Variants in DNAAF9 observed in about 807,000 individuals in gnomAD.
DNAAF9 encodes the protein dynein axonemal assembly factor 9.
DNAAF9 carries 90 observed loss-of-function variants against 167.0 expected under a neutral mutation model. The ratio of observed to expected loss-of-function variants is 0.54; its 90% CI spans 0.45 to 0.64. The LOEUF (loss-of-function observed/expected upper bound fraction) is 0.64, where lower values mean the gene tolerates loss of function less well. Ranked by LOEUF, DNAAF9 falls within the 30% of genes least tolerant of loss-of-function variation. The probability of loss-of-function intolerance (pLI) is 0.00; values close to 1 mark genes in which losing one functional copy is unlikely to be tolerated. For synonymous variants in DNAAF9, 491 were observed against 508.8 expected (o/e 0.96, Z 0.47); for missense variants, 1,315 against 1,442.2 (o/e 0.91, Z 1.43).
intron 23 of DNAAF9, among the ~76,000 whole-genome samples, chr20:3,295,272 C>T (rs1234982626): frequency 6.6e-6 from 1 of 151,934 alleles, no homozygotes; most frequent in Non-Finnish European, 1.5e-5. Flanking sequence ...TCCCAGGTTC[C>T]AGAGATTCTC....
intron 20 of DNAAF9, among the ~76,000 whole-genome samples, chr20:3,307,866 G>A (rs68170212): frequency 0.043 from 6,519 of 151,374 alleles, 389 homozygotes; most frequent in East Asian, 0.16. Context: ...CAGTCTATGT[G>A]AGGAGGGAAC....
At chr20:3,268,897 C>CTTTTTTTATTTTTTTT (rs2068536955) in intron 30 of DNAAF9, among the ~76,000 whole-genome samples, 1 of 85,850 alleles carries the variant, frequency 1.2e-5, no homozygotes, top group African/African-American at 4.7e-5. Flanking sequence ...CTCTATGTTA[C>CTTTTTTTATTTTTTTT]TTTTTTTTTT....
rs575572387 is a variant in DNAAF9, at chr20:3,316,773, T to C, written c.1489A>G (p.Thr497Ala). Residue 497 changes from threonine (T) to alanine (A), a missense_variant, in exon 18 of 37, where the codon ACC becomes GCC. This residue lies in a region of DNAAF9 where 981 missense variants were observed against 1,012.5 expected (regional missense o/e 0.97). Coordinates refer to ENST00000252032, the MANE Select transcript of DNAAF9 (RefSeq NM_001009984.3). ...GCAGCAGTCAGGACTACGGAGCTGGTTTCTGTGGTAACAGTGCCATCTGCA... is the reference window on the plus strand; with the variant it reads ...GCAGCAGTCAGGACTACGGAGCTGGCTTCTGTGGTAACAGTGCCATCTGCA... Reference protein sequence around the residue: ...KEKDGTVTTETSSVVLTAAVP... With the variant: ...KEKDGTVTTEASSVVLTAAVP... 58 of 1,613,698 alleles carry C rather than the reference T, an allele frequency of 3.6e-5. No individual in the cohort carries two copies. The East Asian group carries it at 1.2e-3, about 33-fold the overall frequency.
At chr20:3,285,796 T>G (rs1208989575) in intron 27 of DNAAF9, among the ~76,000 whole-genome samples, 1 of 150,446 alleles carries the variant, frequency 6.6e-6, no homozygotes, top group African/African-American at 2.4e-5. Context: ...CTGGCCAACA[T>G]AGTGAAATCT....
intron 16 of DNAAF9, 71 bp downstream of exon 16, chr20:3,322,146 C>T: frequency 8.6e-7 from 1 of 1,168,172 alleles, no homozygotes; most frequent in Non-Finnish European, 1.3e-6. Flanking sequence ...CCACCCACTC[C>T]CACCTCCCAA....
intron 1 of DNAAF9, 56 bp downstream of exon 1, chr20:3,407,419 C>T: frequency 2.4e-6 from 3 of 1,246,876 alleles, no homozygotes; most frequent in Non-Finnish European, 3.0e-6. Context: ...GTCGCCGGAC[C>T]CCGACAGCCC....
chr20:3,379,375 C>T (rs1044539727), intron 3 of DNAAF9, among the ~76,000 whole-genome samples: 5 of 151,908 alleles, frequency 3.3e-5, no homozygotes, highest in Non-Finnish European at 7.4e-5. Context: ...ACTGTGAGGC[C>T]AAGGCAAGCG....
chr20:3,335,871 T>A (rs1243612101), intron 10 of DNAAF9, among the ~76,000 whole-genome samples: 3 of 151,476 alleles, frequency 2.0e-5, no homozygotes, highest in African/African-American at 7.3e-5. Context: ...GCCTGTTATC[T>A]CAGCACTTTA....
chr20:3,312,805 C>A (rs2123022616), intron 20 of DNAAF9, among the ~76,000 whole-genome samples: 1 of 152,244 alleles, frequency 6.6e-6, no homozygotes, highest in South Asian at 2.1e-4. Flanking sequence ...AATGCTTATC[C>A]ACAGGAAGGG....
At chr20:3,319,857 A>G (rs971209464) in intron 16 of DNAAF9, among the ~76,000 whole-genome samples, 3 of 152,212 alleles carry the variant, frequency 2.0e-5, no homozygotes, top group African/African-American at 7.2e-5. Flanking sequence ...AGGTTTGACA[A>G]CTGGAAGGTT....
At position 3,340,374 on chromosome 20, in the gene DNAAF9, C is replaced by T. The variant is rs539106584; in HGVS notation, c.981+130G>A. On this transcript the variant is annotated intron_variant, in intron 10 of 36. Transcript: ENST00000252032. ...CTAATCACTTCTTTTCACTCTAGAACAACTTCAAATTCAGGGTTAAATCAA... is the reference window on the plus strand; with the variant it reads ...CTAATCACTTCTTTTCACTCTAGAATAACTTCAAATTCAGGGTTAAATCAA... 3.0e-5 allele frequency: 22 copies of T among 728,500 alleles called. 1 individual carries two copies. The South Asian group carries it at 4.1e-4, about 14-fold the overall frequency. 45.1% of individuals were successfully genotyped at this position (728,500 alleles called of 1,614,324 possible).
intron 1 of DNAAF9, among the ~76,000 whole-genome samples, chr20:3,389,233 C>T (rs2083792047): frequency 6.6e-6 from 1 of 152,120 alleles, no homozygotes; most frequent in African/African-American, 2.4e-5. Context: ...GCAGCCTCAA[C>T]TTCCTGGGCT....
At chr20:3,254,089 A>T (rs1291111197) in intron 35 of DNAAF9, among the ~76,000 whole-genome samples, 4 of 151,716 alleles carry the variant, frequency 2.6e-5, no homozygotes, top group East Asian at 1.9e-4. Context: ...TTATTTATTT[A>T]TTTTTTTGAG....
chr20:3,400,138 C>A (rs1187954912), intron 1 of DNAAF9, among the ~76,000 whole-genome samples: 1 of 152,164 alleles, frequency 6.6e-6, no homozygotes, highest in Non-Finnish European at 1.5e-5. Flanking sequence ...CTGAATATTT[C>A]CTTACAGAAT....
chr20:3,387,567 G>C (rs1156682702), intron 1 of DNAAF9, among the ~76,000 whole-genome samples: 1 of 152,076 alleles, frequency 6.6e-6, no homozygotes, highest in Non-Finnish European at 1.5e-5. Context: ...AAATCTTTGT[G>C]ACATTCGATT....
chr20:3,311,217 T>G (rs897568144), intron 20 of DNAAF9, among the ~76,000 whole-genome samples: 1 of 152,176 alleles, frequency 6.6e-6, no homozygotes, highest in Non-Finnish European at 1.5e-5. Flanking sequence ...CATAGCTTAC[T>G]GCAGCCTTGA....
At chr20:3,374,309 T>C (rs966261789) in intron 5 of DNAAF9, among the ~76,000 whole-genome samples, 155 bp from the exon 6 acceptor site, 3 of 152,212 alleles carry the variant, frequency 2.0e-5, no homozygotes, top group Non-Finnish European at 4.4e-5. Context: ...TGGTTAGATA[T>C]TGAAACTAGA....
At chr20:3,322,583 G>A (rs181901517) in intron 15 of DNAAF9, 69 bp downstream of exon 15, 30 of 1,198,932 alleles carry the variant, frequency 2.5e-5, no homozygotes, top group Non-Finnish European at 3.7e-5. Flanking sequence ...ACTCATGTCA[G>A]CAGCCTCCCC....
chr20:3,289,870 CTGTT>C (rs1209319743), intron 26 of DNAAF9, among the ~76,000 whole-genome samples: 1 of 152,196 alleles, frequency 6.6e-6, no homozygotes, highest in Non-Finnish European at 1.5e-5. Flanking sequence ...TTTTCCTTAT[CTGTT>C]TGTCTTACCA....
Sources: gnomAD v4.1 joint callset for allele counts (sites outside exome capture counted in the v4.1 genomes callset) on GRCh38, gnomAD v4.1.1 for gene constraint, gnomAD v4.1.1 regional missense constraint, MANE v1.5 for transcripts, NCBI Gene and HGNC (gene_info 2026-07-23, HGNC 2026-07-21) for gene names.